PTP4A3: variants seen among roughly 807,000 people sequenced by gnomAD.
PTP4A3 encodes protein tyrosine phosphatase 4A3.
A neutral mutation model predicts 15.2 loss-of-function variants in PTP4A3; 9 were observed. That is an observed-to-expected ratio of 0.59 (90% CI 0.36 to 1.03). The LOEUF is 1.03. Ranked by LOEUF, PTP4A3 falls within the 50% of genes least tolerant of loss-of-function variation. The pLI, the probability that PTP4A3 is intolerant of heterozygous loss-of-function variation, is 0.02. For missense variants in PTP4A3, 234 were observed against 252.1 expected (o/e 0.93, Z 0.49); for synonymous variants, 95 against 102.0 (o/e 0.93, Z 0.41).
chr8:141,426,719 G>C, intron 3 of PTP4A3: 2 of 963,720 alleles, frequency 2.1e-6, no homozygotes, highest in Non-Finnish European at 2.5e-6. Context: ...GGAGGGGATA[G>C]CTGCAGTGTA....
intron 1 of PTP4A3, among the ~76,000 whole-genome samples, chr8:141,407,146 G>A (rs958769537): frequency 6.6e-6 from 1 of 152,196 alleles, no homozygotes; most frequent in African/African-American, 2.4e-5. Context: ...ACAGAACCTA[G>A]AAGGTGTGGA....
intron 1 of PTP4A3, among the ~76,000 whole-genome samples, chr8:141,405,813 C>A (rs960251501): frequency 6.6e-6 from 1 of 151,744 alleles, no homozygotes; most frequent in Non-Finnish European, 1.5e-5. Flanking sequence ...ACCTGAGATC[C>A]GAGTGGTAAG....
At chr8:141,393,071 G>C (rs1219340428) in intron 1 of PTP4A3, among the ~76,000 whole-genome samples, 1 of 152,208 alleles carries the variant, frequency 6.6e-6, no homozygotes, top group Non-Finnish European at 1.5e-5. Context: ...ACCAGAGGAG[G>C]TCACTGAACA....
At chr8:141,417,431 G>A (rs908223458) in intron 1 of PTP4A3, among the ~76,000 whole-genome samples, 1 of 152,246 alleles carries the variant, frequency 6.6e-6, no homozygotes, top group Admixed American at 6.5e-5. Flanking sequence ...GTCTGAACTG[G>A]AGGGACTCGG....
intron 1 of PTP4A3, among the ~76,000 whole-genome samples, chr8:141,399,459 C>T (rs1832532819): frequency 2.0e-5 from 3 of 152,342 alleles, no homozygotes; most frequent in Middle Eastern, 6.8e-3. Context: ...CCGGCTGCCC[C>T]TCCCCTCGGT....
chr8:141,427,936 C>T (rs938854105), intron 5 of PTP4A3, 112 bp downstream of exon 5: 14 of 1,056,228 alleles, frequency 1.3e-5, no homozygotes, highest in Non-Finnish European at 1.9e-5. Flanking sequence ...GAGGCTGCGT[C>T]GATCAGCACA....
chr8:141,405,649 C>T (rs1335479103), intron 1 of PTP4A3, among the ~76,000 whole-genome samples: 1 of 152,194 alleles, frequency 6.6e-6, no homozygotes, highest in African/African-American at 2.4e-5. Context: ...CATTGAGAAC[C>T]AGGGAGCCGA....
In PTP4A3 at chr8:141,415,874, C is replaced by T. The variant is rs186914932; in HGVS notation, c.-853-5514C>T. On this transcript the variant is annotated intron_variant, in intron 1 of 5. Coordinates refer to ENST00000521578, the MANE Select transcript of PTP4A3 (RefSeq NM_032611.3). ...AGGGGCCTGGAGGACTCCGGGAAGG[C>T]GTCCTAGTGCATCAAGCGTGGGCTT... Among the ~76,000 whole-genome samples, 420 of 150,586 alleles carry T rather than the reference C, an allele frequency of 2.8e-3. 2 individuals carry two copies. The highest frequency in any genetic ancestry group is 9.8e-3 in the African/African-American group (401 of 40,884).
intron 1 of PTP4A3, among the ~76,000 whole-genome samples, chr8:141,399,653 T>A (rs946722440): frequency 6.6e-6 from 1 of 152,240 alleles, no homozygotes; most frequent in Non-Finnish European, 1.5e-5. Context: ...GCAGCTGAGC[T>A]CCAGCCACCT....
intron 3 of PTP4A3, 83 bp from the exon 4 acceptor site, chr8:141,426,856 A>C: frequency 1.3e-6 from 2 of 1,525,674 alleles, no homozygotes; most frequent in African/African-American, 2.8e-5. Flanking sequence ...TGCCTCTCAG[A>C]GCTCCCTTTC....
At chr8:141,418,716 G>A (rs1833175258) in intron 1 of PTP4A3, among the ~76,000 whole-genome samples, 1 of 152,188 alleles carries the variant, frequency 6.6e-6, no homozygotes, top group South Asian at 2.1e-4. Context: ...GGTGGGGGTG[G>A]TAGCGACTCA....
At chr8:141,401,278 A>T (rs1016328124) in intron 1 of PTP4A3, among the ~76,000 whole-genome samples, 7 of 152,104 alleles carry the variant, frequency 4.6e-5, no homozygotes, top group African/African-American at 1.7e-4. Context: ...GCACATCTGC[A>T]CGTCCTGTCG....
At chr8:141,400,232 C>T (rs1251673951) in intron 1 of PTP4A3, among the ~76,000 whole-genome samples, 1 of 151,722 alleles carries the variant, frequency 6.6e-6, no homozygotes, top group Non-Finnish European at 1.5e-5. Context: ...TGGCCCACCT[C>T]TGCGCCTGGC....
chr8:141,426,446 G>A lies in PTP4A3; in HGVS notation c.199-493G>A, dbSNP rs111865862. On this transcript the variant is annotated intron_variant, in intron 3 of 5. Transcript: ENST00000521578. ...CCCTCAGAAATGTGGGCCCTGTCTC[G>A]CCCCACAGCCCTGTCTTCAGTCCTT... 1.8e-5 allele frequency: 18 copies of A among 985,432 alleles called. No individual in the cohort carries two copies. The African/African-American group carries it at 2.8e-4, about 15-fold the overall frequency. 61.0% of individuals were successfully genotyped at this position (985,432 alleles called of 1,614,324 possible).
At chr8:141,394,442 C>T (rs1218647886) in intron 1 of PTP4A3, among the ~76,000 whole-genome samples, 1 of 152,200 alleles carries the variant, frequency 6.6e-6, no homozygotes, top group African/African-American at 2.4e-5. Flanking sequence ...TTTCTCCCCA[C>T]CTCCACCCTG....
At chr8:141,418,442 A>T (rs1833156317) in intron 1 of PTP4A3, among the ~76,000 whole-genome samples, 1 of 152,152 alleles carries the variant, frequency 6.6e-6, no homozygotes, top group African/African-American at 2.4e-5. Flanking sequence ...AACCCAGTTA[A>T]CTGGACGCCT....
intron 1 of PTP4A3, among the ~76,000 whole-genome samples, chr8:141,392,879 A>C (rs1284906664): frequency 6.6e-6 from 1 of 152,204 alleles, no homozygotes; most frequent in East Asian, 1.9e-4. Context: ...GGTCCAGGCT[A>C]GCTGGTCACA....
chr8:141,396,325 C>G (rs1012137164), intron 1 of PTP4A3, among the ~76,000 whole-genome samples: 1 of 152,186 alleles, frequency 6.6e-6, no homozygotes, highest in African/African-American at 2.4e-5. Context: ...AGTGACGTGC[C>G]AGGGTCACTG....
intron 1 of PTP4A3, among the ~76,000 whole-genome samples, chr8:141,405,550 A>G (rs34642025): frequency 0.46 from 70,554 of 152,072 alleles, 20,433 homozygotes; most frequent in African/African-American, 0.82. Context: ...TCCATCACTG[A>G]GGATGCTTGT....
Sources: allele counts gnomAD v4.1 joint callset (sites outside exome capture counted in the v4.1 genomes callset), GRCh38; gene constraint gnomAD v4.1.1; transcripts MANE v1.5; gene names NCBI Gene and HGNC (gene_info 2026-07-23, HGNC 2026-07-21).